The following SRGAP2 variants were observed in gnomAD, a reference collection of about 807,000 sequenced individuals.
SRGAP2 encodes SLIT-ROBO Rho GTPase-activating protein 2.
Under a neutral mutation model 57.2 loss-of-function variants are expected in SRGAP2, and 15 were observed. That is an observed-to-expected ratio of 0.26 (90% CI 0.18 to 0.40). The LOEUF is 0.40. Ranked by LOEUF, SRGAP2 falls within the 10% of genes least tolerant of loss-of-function variation. SRGAP2 has a pLI of 1.00. For missense variants in SRGAP2, 520 were observed against 669.6 expected (o/e 0.78, Z 2.47); for synonymous variants, 249 against 248.0 (o/e 1.00, Z -0.04).
chr1:206,306,423 G>A (rs1672203708), intron 3 of SRGAP2, among the ~76,000 whole-genome samples: 1 of 152,218 alleles, frequency 6.6e-6, no homozygotes, highest in Non-Finnish European at 1.5e-5. Flanking sequence ...CTGGGCTCAG[G>A]AGTGAAGCTG....
intron 2 of SRGAP2, among the ~76,000 whole-genome samples, chr1:206,263,119 T>A (rs1477224639): frequency 2.0e-5 from 3 of 149,352 alleles, no homozygotes; most frequent in African/African-American, 7.4e-5. Flanking sequence ...TGATTACTGA[T>A]TTTGAAAAGC....
intron 2 of SRGAP2, among the ~76,000 whole-genome samples, chr1:206,253,102 T>C (rs1342118788): frequency 4.9e-5 from 7 of 143,520 alleles, no homozygotes; most frequent in Non-Finnish European, 9.1e-5. Context: ...GAGGGGCTGT[T>C]CTGGGGCTGC....
chr1:206,239,934 C>T (rs1553308764), intron 2 of SRGAP2, among the ~76,000 whole-genome samples: 1 of 150,966 alleles, frequency 6.6e-6, no homozygotes, highest in Non-Finnish European at 1.5e-5. Flanking sequence ...AGAATGAAAT[C>T]TCTGGGTCTT....
At chr1:206,368,906 C>T (rs1247622423) in intron 4 of SRGAP2, among the ~76,000 whole-genome samples, 1 of 149,798 alleles carries the variant, frequency 6.7e-6, no homozygotes, top group Non-Finnish European at 1.5e-5. Flanking sequence ...GAGACTGAAG[C>T]CTGGATTCAA....
intron 3 of SRGAP2, among the ~76,000 whole-genome samples, chr1:206,342,245 G>C (rs530131130): frequency 1.3e-5 from 2 of 152,172 alleles, no homozygotes; most frequent in South Asian, 4.2e-4. Flanking sequence ...ATACATTTGT[G>C]GGGATTTTGT....
intron 2 of SRGAP2, among the ~76,000 whole-genome samples, chr1:206,218,305 T>TC (rs1666781799): frequency 6.7e-6 from 1 of 150,244 alleles, no homozygotes; most frequent in Non-Finnish European, 1.5e-5. Context: ...AGAGCAAGAC[T>TC]CCGTCTCAAA....
At chr1:206,287,734 GA>G (rs1437633700) in intron 2 of SRGAP2, among the ~76,000 whole-genome samples, 6 of 66,804 alleles carry the variant, frequency 9.0e-5, no homozygotes, top group African/African-American at 7.0e-4. Flanking sequence ...AAGCCACGAT[GA>G]AAAGGTAGGT....
At chr1:206,423,234 A>T (rs555238268) in intron 13 of SRGAP2, among the ~76,000 whole-genome samples, 1 of 152,196 alleles carries the variant, frequency 6.6e-6, no homozygotes, top group South Asian at 2.1e-4. Context: ...CCATGACTTC[A>T]TATCTTCTTT....
At chr1:206,411,511 G>A (rs555687836) in intron 10 of SRGAP2, among the ~76,000 whole-genome samples, 2 of 152,308 alleles carry the variant, frequency 1.3e-5, no homozygotes, top group South Asian at 4.1e-4. Context: ...CTATCTGACA[G>A]CTGTTTCCTA....
At chr1:206,429,582 G>A (rs1177989378) in intron 13 of SRGAP2, among the ~76,000 whole-genome samples, 3 of 152,250 alleles carry the variant, frequency 2.0e-5, no homozygotes, top group Admixed American at 6.5e-5. Flanking sequence ...GAACAGAAAC[G>A]TGGCCAGCAT....
intron 3 of SRGAP2, among the ~76,000 whole-genome samples, chr1:206,341,479 A>G (rs536381847): frequency 1.3e-5 from 2 of 151,892 alleles, no homozygotes; most frequent in Non-Finnish European, 2.9e-5. Flanking sequence ...AATGTGGTTA[A>G]TAACACCCAC....
At chr1:206,333,085 G>C (rs1174222835) in intron 3 of SRGAP2, among the ~76,000 whole-genome samples, 1 of 143,146 alleles carries the variant, frequency 7.0e-6, no homozygotes, top group African/African-American at 2.6e-5. Flanking sequence ...GTGTCAGTGT[G>C]CCCCTGCTGG....
intron 10 of SRGAP2, among the ~76,000 whole-genome samples, chr1:206,410,555 A>G (rs1553359150): frequency 6.6e-6 from 1 of 152,228 alleles, no homozygotes; most frequent in Non-Finnish European, 1.5e-5. Flanking sequence ...ATGCATGGAC[A>G]ACAACTGACG....
chr1:206,283,081 TGA>T (rs1670820536), intron 2 of SRGAP2, among the ~76,000 whole-genome samples: 1 of 151,482 alleles, frequency 6.6e-6, no homozygotes, highest in Non-Finnish European at 1.5e-5. Flanking sequence ...TCTGGGCCTT[TGA>T]ACATGCTGTT....
At chr1:206,272,367 C>T (rs1670173345) in intron 2 of SRGAP2, among the ~76,000 whole-genome samples, 1 of 148,132 alleles carries the variant, frequency 6.8e-6, no homozygotes. Flanking sequence ...CTTTCTTGTG[C>T]AGTATACTAA....
At chr1:206,362,428 AT>A (rs1676985081) in intron 4 of SRGAP2, among the ~76,000 whole-genome samples, 1 of 151,170 alleles carries the variant, frequency 6.6e-6, no homozygotes, top group Non-Finnish European at 1.5e-5. Context: ...GATTCAGCTC[AT>A]TTTAGCAAGT....
At chr1:206,275,764 G>A (rs1483160560) in intron 2 of SRGAP2, among the ~76,000 whole-genome samples, 2 of 151,722 alleles carry the variant, frequency 1.3e-5, no homozygotes, top group East Asian at 1.9e-4. Flanking sequence ...CTACAGGCAC[G>A]CATCGCCATG....
chr1:206,354,406 G>A (rs1167937770), intron 4 of SRGAP2, among the ~76,000 whole-genome samples: 1 of 152,112 alleles, frequency 6.6e-6, no homozygotes, highest in Non-Finnish European at 1.5e-5. Flanking sequence ...TGGCCTTTCT[G>A]GGGTTTTCAT....
Position 206,287,782 on chromosome 1 carries a change from G to A in SRGAP2, c.68-15499G>A, listed in dbSNP as rs1439875350. Among the ~76,000 whole-genome samples, 2 of 86,900 alleles carry A rather than the reference G, an allele frequency of 2.3e-5. 1 individual carries two copies. Among genetic ancestry groups the A allele is most frequent in the African/African-American group, 1.6e-4 (2 of 12,316 alleles). The allele number at this position is 86,900 out of a possible 152,430, so 57.0% of individuals were successfully genotyped here. A position where few individuals can be genotyped will look rare whatever the true frequency, so the allele number is the denominator to read the frequency against. On this transcript the variant is annotated intron_variant, in intron 2 of 22. Transcript: ENST00000573034. ...AGGGAAGAGATCAAGGAAAATATGC[G>A]TTTGTTTGTTTAATAAGATGGGAGA...
Sources: allele counts gnomAD v4.1 joint callset (sites outside exome capture counted in the v4.1 genomes callset), GRCh38; gene constraint gnomAD v4.1.1; transcripts MANE v1.5; gene names NCBI Gene and HGNC (gene_info 2026-07-23, HGNC 2026-07-21).